MEGF6: variants seen among roughly 807,000 people sequenced by gnomAD.
MEGF6 encodes the protein multiple epidermal growth factor-like domains protein 6.
Under a neutral mutation model 207.1 loss-of-function variants are expected in MEGF6, and 184 were observed. That is an observed-to-expected ratio of 0.89 (90% CI 0.79 to 1.00). MEGF6 has a LOEUF of 1.00. MEGF6 is among the 50% of genes least tolerant of loss of function. The probability of loss-of-function intolerance (pLI) is 0.00; values close to 1 mark genes in which losing one functional copy is unlikely to be tolerated. For synonymous variants in MEGF6, 1,038 were observed against 910.0 expected, an observed-to-expected ratio of 1.14 and a Z score of -2.53; for missense variants, 2,282 against 2,202.9, an observed-to-expected ratio of 1.04 and a Z score of -0.72.
Position 3,560,673 on chromosome 1 carries a change from AT to A in MEGF6, c.481+19151del. 1 of 450,604 alleles carries A rather than the reference AT, an allele frequency of 2.2e-6. No individual in the cohort carries two copies. Among genetic ancestry groups the A allele is most frequent in the South Asian group, 1.6e-5 (1 of 62,990 alleles). The allele number at this position is 450,604 out of a possible 1,614,324, so 27.9% of individuals were successfully genotyped here. A position where few individuals can be genotyped will look rare whatever the true frequency, so the allele number is the denominator to read the frequency against. On this transcript the variant is annotated intron_variant, in intron 4 of 36. Coordinates refer to ENST00000356575, the MANE Select transcript of MEGF6 (RefSeq NM_001409.4). The surrounding 1 kb of genome is among the most constrained non-coding windows in gnomAD (Gnocchi z 4.0). Reference sequence around the variant, plus strand: ...CCAGGCTTGGGGGAGGCTGGGTGCCATCAACCCCTCCCCATCTGTGGTTTCC... The same window carrying A: ...CCAGGCTTGGGGGAGGCTGGGTGCCACAACCCCTCCCCATCTGTGGTTTCC...
chr1:3,525,858 G>A (rs12094565), intron 4 of MEGF6, among the ~76,000 whole-genome samples: 39,395 of 152,192 alleles, frequency 0.26, 5,440 homozygotes, highest in Middle Eastern at 0.32. Context: ...CACCCTCCAG[G>A]CCCCCCTCGC....
At chr1:3,561,366 G>C (rs1643195059) in intron 4 of MEGF6, among the ~76,000 whole-genome samples, 1 of 152,210 alleles carries the variant, frequency 6.6e-6, no homozygotes, top group African/African-American at 2.4e-5. Flanking sequence ...AGGCCCTGAA[G>C]GTTCCCACAC....
chr1:3,579,512 A>T (rs1319434878), intron 4 of MEGF6, among the ~76,000 whole-genome samples: 1 of 152,046 alleles, frequency 6.6e-6, no homozygotes, highest in Non-Finnish European at 1.5e-5. Flanking sequence ...GGACCTGGCC[A>T]CCCCCTGCCT....
In MEGF6 at chr1:3,611,249, G is replaced by C. The variant is rs748457151; in HGVS notation, c.20C>G (p.Ala7Gly). 6 of 1,517,546 alleles carry C rather than the reference G, an allele frequency of 4.0e-6. No homozygotes were observed. In the South Asian group the frequency reaches 6.2e-5, roughly 16 times the overall value. 94.0% of individuals were successfully genotyped at this position (1,517,546 alleles called of 1,614,324 possible). Reference sequence around the variant, plus strand: ...GACCACCGCGCGCCCCGCTGCCCTCGCCTCTTCAAGGAACGACATCGTGCG... The same window carrying C: ...GACCACCGCGCGCCCCGCTGCCCTCCCCTCTTCAAGGAACGACATCGTGCG... The part of the protein sequence containing the change: MSFLEE[A>G]RAAGRAVVLA... The change falls in exon 1 of 37, where the codon GCG (alanine) becomes GGG (glycine). Residue 7 changes from alanine (A) to glycine (G), a missense_variant. Ala to Gly is a moderately conservative substitution (Grantham distance 60). Coordinates refer to ENST00000356575, the MANE Select transcript of MEGF6 (RefSeq NM_001409.4).
intron 30 of MEGF6, among the ~76,000 whole-genome samples, chr1:3,495,626 G>C (rs771232274): frequency 6.6e-6 from 1 of 152,166 alleles, no homozygotes; most frequent in Non-Finnish European, 1.5e-5. Context: ...ATGAGGATGG[G>C]GTCACTGGGT....
chr1:3,512,048 GAC>G lies in MEGF6; in HGVS notation c.932_933del (p.Cys311SerfsTer5). ...LNTQGSFKCV[C>X]HAGYELGADG... ...TCGGCGCCCAGCTCATAGCCCGCGT[GAC>G]ACACGCACTTGAAGGACCCCTGGGT... On this transcript the variant is annotated frameshift_variant, in exon 8 of 37. Coordinates refer to ENST00000356575, the MANE Select transcript of MEGF6 (RefSeq NM_001409.4). LOFTEE classifies it high-confidence loss of function. 2 of 1,612,838 alleles carry G rather than the reference GAC, an allele frequency of 1.2e-6. No individual in the cohort carries two copies. The highest frequency in any genetic ancestry group is 2.2e-5 in the East Asian group (1 of 44,878).
chr1:3,493,829 G>T lies in MEGF6; in HGVS notation c.4329C>A (p.Asp1443Glu), dbSNP rs1293305934. The change falls in exon 34 of 37, where the codon GAC (aspartate) becomes GAA (glutamate). Residue 1443 changes from aspartate to glutamate, a missense_variant. Asp to Glu is a conservative substitution (Grantham distance 45). Coordinates refer to ENST00000356575, the MANE Select transcript of MEGF6 (RefSeq NM_001409.4). Reference sequence around the variant, plus strand: ...GGCAAAGGCAGAGACCGGTGACAGGGTCACAGGGTGCCCCCCCGTCACAGT... The same window carrying T: ...GGCAAAGGCAGAGACCGGTGACAGGTTCACAGGGTGCCCCCCCGTCACAGT... ...RCDCDGGAPC[D>E]PVTGLCLCPP... is the part of the protein sequence containing the mutation. 1 of 1,607,754 alleles carries T rather than the reference G, an allele frequency of 6.2e-7. No individual in the cohort carries two copies.
intron 3 of MEGF6, among the ~76,000 whole-genome samples, chr1:3,591,085 C>T (rs1457923848): frequency 1.3e-5 from 2 of 152,146 alleles, no homozygotes; most frequent in African/African-American, 4.8e-5. Flanking sequence ...TGAGGGGCTC[C>T]AGCACCTGCA....
chr1:3,535,528 G>A (rs1438290329), intron 4 of MEGF6, among the ~76,000 whole-genome samples: 1 of 152,128 alleles, frequency 6.6e-6, no homozygotes, highest in Non-Finnish European at 1.5e-5. Flanking sequence ...CTCCTATCCC[G>A]TAGCCGGGAG....
intron 3 of MEGF6, among the ~76,000 whole-genome samples, chr1:3,580,418 G>C (rs1643766670): frequency 1.3e-5 from 2 of 152,234 alleles, no homozygotes; most frequent in African/African-American, 4.8e-5. Context: ...TCAGACCCCA[G>C]GGAGGGGAGG....
intron 4 of MEGF6, among the ~76,000 whole-genome samples, chr1:3,548,179 G>T (rs936920788): frequency 1.2e-4 from 18 of 152,216 alleles, no homozygotes; most frequent in Admixed American, 1.3e-4. Flanking sequence ...ACAGGGTGCT[G>T]TTCCCAGAAG....
intron 4 of MEGF6, among the ~76,000 whole-genome samples, chr1:3,535,046 T>A (rs557662446): frequency 3.4e-4 from 52 of 152,158 alleles, no homozygotes; most frequent in South Asian, 1.2e-3. Flanking sequence ...CTGTATGGCA[T>A]GGCCACATCC....
intron 4 of MEGF6, among the ~76,000 whole-genome samples, chr1:3,543,608 A>G (rs1246156034): frequency 6.6e-6 from 1 of 152,134 alleles, no homozygotes; most frequent in Admixed American, 6.5e-5. Flanking sequence ...GGGGCAGGAG[A>G]GGAAGCGTCG....
At chr1:3,618,856 A>T in the MEGF6 span, among the ~76,000 whole-genome samples, 3 of 152,152 alleles carry the variant, frequency 2.0e-5, no homozygotes, top group Non-Finnish European at 4.4e-5. This position sits in a 1 kb window ranked among gnomAD's most constrained non-coding sequence, Gnocchi z 4.7. Flanking sequence ...GAAGCCCAGG[A>T]CCCTGCCTGA....
chr1:3,611,437 C>A lies in MEGF6; in HGVS notation c.-169G>T. On this transcript the variant is annotated 5_prime_UTR_variant, in exon 1 of 37. Coordinates refer to ENST00000356575, the MANE Select transcript of MEGF6 (RefSeq NM_001409.4). ...AGCGTCCCGGCTTCCCGCCCGCGCCCAAAGTGGCACCGCGGAGACCTGATC... is the reference window on the plus strand; with the variant it reads ...AGCGTCCCGGCTTCCCGCCCGCGCCAAAAGTGGCACCGCGGAGACCTGATC... 1.1e-6 allele frequency: 1 copy of A among 951,782 alleles called. No homozygotes were observed. Among genetic ancestry groups the A allele is most frequent in the Non-Finnish European group, 1.4e-6 (1 of 706,000 alleles). The allele number at this position is 951,782 out of a possible 1,614,324, so 59.0% of individuals were successfully genotyped here. A position where few individuals can be genotyped will look rare whatever the true frequency, so the allele number is the denominator to read the frequency against.
intron 17 of MEGF6, 108 bp from the exon 18 acceptor site, chr1:3,502,029 C>T (rs572778640): frequency 1.3e-6 from 2 of 1,499,732 alleles, no homozygotes; most frequent in Admixed American, 2.1e-5. Flanking sequence ...CTCACATGGG[C>T]TCCTGGCGAG....
chr1:3,510,927 C>T (rs1439366358), intron 9 of MEGF6, 25 bp from the exon 10 acceptor site: 1 of 1,584,922 alleles, frequency 6.3e-7, no homozygotes. Context: ...CCACGGGCCC[C>T]CTGGTACCAG....
chr1:3,611,194 G>A lies in MEGF6; in HGVS notation c.75C>T (p.Ala25=). Residue 25 remains alanine, a synonymous_variant, in exon 1 of 37, where the codon GCC becomes GCT. Coordinates refer to ENST00000356575, the MANE Select transcript of MEGF6 (RefSeq NM_001409.4). ...GCGGAACGCTGGCGCCCACGGGCAC[G>A]GCGGGGAGCAGCAGCAGCACCAACG... The part of the protein sequence containing the change: ...VLALVLLLLP[A]VPVGASVPPR... 6.4e-7 allele frequency: 1 copy of A among 1,553,752 alleles called. No homozygotes were observed. Among genetic ancestry groups the A allele is most frequent in the Non-Finnish European group, 8.6e-7 (1 of 1,160,054 alleles).
chr1:3,493,654 C>G (rs1569922949), intron 34 of MEGF6, 117 bp downstream of exon 34: 1 of 1,392,272 alleles, frequency 7.2e-7, no homozygotes, highest in East Asian at 2.5e-5. Context: ...GGTGCAGAGG[C>G]AACAAGAGGG....
Sources: gnomAD v4.1 joint callset for allele counts (sites outside exome capture counted in the v4.1 genomes callset) on GRCh38, gnomAD v4.1.1 for gene constraint, Gnocchi (gnomAD v3.1) non-coding constraint, MANE v1.5 for transcripts, NCBI Gene and HGNC (gene_info 2026-07-23, HGNC 2026-07-21) for gene names.